Variants in ELAPOR2 observed in about 807,000 individuals in gnomAD.
ELAPOR2 encodes the protein endosome-lysosome associated apoptosis and autophagy regulator family member 2.
A neutral mutation model predicts 120.7 loss-of-function variants in ELAPOR2; 89 were observed. That is an observed-to-expected ratio of 0.74 (90% confidence interval 0.62 to 0.88). The LOEUF (loss-of-function observed/expected upper bound fraction) is 0.88, where lower values mean the gene tolerates loss of function less well. Ranked by LOEUF, ELAPOR2 falls within the 40% of genes least tolerant of loss-of-function variation. The probability of loss-of-function intolerance (pLI) is 0.00; values close to 1 mark genes in which losing one functional copy is unlikely to be tolerated. For synonymous variants in ELAPOR2, 444 were observed against 444.9 expected (o/e 1.00, Z 0.03); for missense variants, 1,134 against 1,251.6 (o/e 0.91, Z 1.42).
chr7:86,990,538 A>C (rs537881106), intron 1 of ELAPOR2, among the ~76,000 whole-genome samples: 1 of 152,294 alleles, frequency 6.6e-6, no homozygotes, highest in South Asian at 2.1e-4. Flanking sequence ...ACTCAGTTTC[A>C]GGTATTTTGT....
rs777973640 is a variant in ELAPOR2 at position 86,938,945 on chromosome 7, G to A, written c.863C>T (p.Ser288Leu). 1 of 1,613,020 alleles carries A rather than the reference G, an allele frequency of 6.2e-7. No individual in the cohort carries two copies. Among genetic ancestry groups the A allele is most frequent in the Non-Finnish European group, 8.5e-7 (1 of 1,179,350 alleles). The change falls in exon 7 of 22, where the codon TCA becomes TTA. Residue 288 changes from serine (S) to leucine (L), a missense_variant. By Grantham distance (145) the Ser-to-Leu change is moderately radical. Transcript: ENST00000450689. ...NITIEGVAYTSECFPCKPGTF... is the reference protein window; with the variant it reads ...NITIEGVAYTLECFPCKPGTF... ...GCCTGGCTTGCAAGGAAAACATTCT[G>A]ATGTGTACGCCACCCCTGTGCAGTA...
intron 15 of ELAPOR2, chr7:86,911,503 A>G (rs956457341): frequency 1.5e-5 from 6 of 409,932 alleles, no homozygotes; most frequent in South Asian, 9.2e-5. Flanking sequence ...CCCTAACCTC[A>G]TATGTCCATT....
intron 8 of ELAPOR2, among the ~76,000 whole-genome samples, chr7:86,935,088 A>G (rs1790508065): frequency 6.6e-6 from 1 of 152,056 alleles, no homozygotes; most frequent in Non-Finnish European, 1.5e-5. Context: ...TTGTATATAA[A>G]ACACTGCCAA....
chr7:87,046,061 C>G (rs1424120090), intron 1 of ELAPOR2, among the ~76,000 whole-genome samples: 7 of 151,998 alleles, frequency 4.6e-5, no homozygotes, highest in Non-Finnish European at 7.4e-5. Context: ...AACCTAAAGA[C>G]TCCACCAAAA....
chr7:87,007,668 G>C (rs937621835), intron 1 of ELAPOR2, among the ~76,000 whole-genome samples: 1 of 152,096 alleles, frequency 6.6e-6, no homozygotes, highest in Non-Finnish European at 1.5e-5. Flanking sequence ...ATAATTTGAG[G>C]GATGGGCAGG....
chr7:86,930,959 G>A (rs1292517860), intron 8 of ELAPOR2, among the ~76,000 whole-genome samples: 1 of 151,914 alleles, frequency 6.6e-6, no homozygotes, highest in Non-Finnish European at 1.5e-5. Flanking sequence ...AAACTGCTCT[G>A]AAAAAGGTTG....
At chr7:87,055,674 C>A (rs1405758998) in intron 1 of ELAPOR2, among the ~76,000 whole-genome samples, 2 of 152,066 alleles carry the variant, frequency 1.3e-5, no homozygotes, top group African/African-American at 4.8e-5. Flanking sequence ...TCTGATCCCA[C>A]CCCCCTCAGT....
At chr7:86,981,616 C>T (rs1792492034) in intron 1 of ELAPOR2, among the ~76,000 whole-genome samples, 1 of 152,208 alleles carries the variant, frequency 6.6e-6, no homozygotes, top group Admixed American at 6.5e-5. Context: ...AACTAATGAA[C>T]CGCTAGTCAT....
At chr7:87,000,429 G>C (rs1193757919) in intron 1 of ELAPOR2, among the ~76,000 whole-genome samples, 1 of 152,126 alleles carries the variant, frequency 6.6e-6, no homozygotes, top group Non-Finnish European at 1.5e-5. Flanking sequence ...TCCTGCCAGA[G>C]ATGCCTGAAG....
At chr7:86,971,604 T>C (rs1466638293) in intron 1 of ELAPOR2, among the ~76,000 whole-genome samples, 1 of 152,228 alleles carries the variant, frequency 6.6e-6, no homozygotes, top group East Asian at 1.9e-4. Flanking sequence ...TATGTTTATC[T>C]CTGCTCCTCA....
chr7:86,926,419 G>A (rs1279409166), intron 9 of ELAPOR2, among the ~76,000 whole-genome samples: 1 of 151,956 alleles, frequency 6.6e-6, no homozygotes, highest in Non-Finnish European at 1.5e-5. Flanking sequence ...AGAAAATTGA[G>A]CTTCAAAAAG....
intron 18 of ELAPOR2, among the ~76,000 whole-genome samples, chr7:86,906,474 C>T (rs1261768099): frequency 6.6e-6 from 1 of 152,028 alleles, no homozygotes; most frequent in Non-Finnish European, 1.5e-5. Flanking sequence ...CAAAAATAAG[C>T]CCAAAATACT....
chr7:86,910,385 G>A (rs906394877), intron 15 of ELAPOR2, among the ~76,000 whole-genome samples: 2 of 152,124 alleles, frequency 1.3e-5, no homozygotes, highest in African/African-American at 4.8e-5. Context: ...AAGCTTCAGT[G>A]TCAAAGAAAA....
intron 1 of ELAPOR2, among the ~76,000 whole-genome samples, chr7:87,029,740 T>G (rs377572727): frequency 6.6e-6 from 1 of 151,962 alleles, no homozygotes; most frequent in African/African-American, 2.4e-5. Context: ...AGAAAAATAA[T>G]GAAAGAAATA....
intron 1 of ELAPOR2, among the ~76,000 whole-genome samples, chr7:87,045,764 A>G (rs1794934312): frequency 6.6e-6 from 1 of 151,574 alleles, no homozygotes; most frequent in African/African-American, 2.4e-5. Context: ...ATAATAAAAA[A>G]TAAATAAATA....
intron 1 of ELAPOR2, among the ~76,000 whole-genome samples, chr7:87,049,907 C>G (rs2068164573): frequency 6.6e-6 from 1 of 152,118 alleles, no homozygotes; most frequent in African/African-American, 2.4e-5. Context: ...AGGGCTCCAT[C>G]CTCATATATG....
chr7:86,906,512 T>C (rs1197786988), intron 18 of ELAPOR2, among the ~76,000 whole-genome samples: 3 of 152,168 alleles, frequency 2.0e-5, no homozygotes, highest in East Asian at 3.8e-4. Context: ...ATTTTTAGGA[T>C]ACATAAGTAG....
rs1799272975 is a variant in ELAPOR2, at chr7:86,878,917, T to A, written c.*1554A>T. 1 of 152,136 alleles carries A rather than the reference T, an allele frequency of 6.6e-6. No homozygotes were observed. Among genetic ancestry groups the A allele is most frequent in the Admixed American group, 6.6e-5 (1 of 15,266 alleles). 9.4% of individuals were successfully genotyped at this position (152,136 alleles called of 1,614,324 possible). A position where few individuals can be genotyped will look rare whatever the true frequency, so the allele number is the denominator to read the frequency against. ...CATTCATTCAATAATAACAGAATGG[T>A]CTAGTGTATTACCAATCAGCCAAAT... On this transcript the variant is annotated 3_prime_UTR_variant, in exon 22 of 22. Coordinates refer to ENST00000450689, the MANE Select transcript of ELAPOR2 (RefSeq NM_001142749.3).
In ELAPOR2 at chr7:86,944,967, GGT is replaced by G; in HGVS notation, c.584_585del (p.His195ProfsTer2). 6.5e-7 allele frequency: 1 copy of G among 1,550,302 alleles called. No individual in the cohort carries two copies. Among genetic ancestry groups the G allele is most frequent in the South Asian group, 1.2e-5 (1 of 83,950 alleles). On this transcript the variant is annotated frameshift_variant, in exon 4 of 22. Transcript: ENST00000450689. LOFTEE classifies it high-confidence loss of function. ...AAGAAGACATAGCCTGACTTCTTAA[GGT>G]GCACAGCATAGATCAAAGACACCGT... ...DCTVSLIYAV[H>X]LKKSGYVFFE... is the part of the protein sequence containing the mutation.
Sources: allele counts gnomAD v4.1 joint callset (sites outside exome capture counted in the v4.1 genomes callset), GRCh38; gene constraint gnomAD v4.1.1; transcripts MANE v1.5; gene names NCBI Gene and HGNC (gene_info 2026-07-23, HGNC 2026-07-21).